The following IPO8 variants were observed in gnomAD, a reference collection of about 807,000 sequenced individuals.
IPO8 encodes the protein importin-8.
Under a neutral mutation model 141.2 loss-of-function variants are expected in IPO8, and 65 were observed. That is an observed-to-expected ratio of 0.46 (90% CI 0.38 to 0.57). The LOEUF (loss-of-function observed/expected upper bound fraction) is 0.57. Ranked by LOEUF, IPO8 falls within the 20% of genes least tolerant of loss-of-function variation. The pLI is 0.00. For missense variants in IPO8, 980 were observed against 1,246.8 expected (o/e 0.79, Z 3.22); for synonymous variants, 411 against 420.3 (o/e 0.98, Z 0.27).
chr12:30,646,777 TATACTC>T (rs752830781), intron 20 of IPO8, among the ~76,000 whole-genome samples: 3 of 152,154 alleles, frequency 2.0e-5, no homozygotes, highest in East Asian at 1.9e-4. Context: ...TTGAAAAACT[TATACTC>T]TGATAACAAC....
intron 24 of IPO8, 53 bp from the exon 25 acceptor site, chr12:30,631,010 G>A: frequency 7.2e-7 from 1 of 1,394,348 alleles, no homozygotes; most frequent in Non-Finnish European, 1.0e-6. Flanking sequence ...TGCTTAAGGT[G>A]ACAAAGTTGG....
At chr12:30,635,711 A>G (rs1228791599) in intron 22 of IPO8, among the ~76,000 whole-genome samples, 1 of 152,112 alleles carries the variant, frequency 6.6e-6, no homozygotes, top group African/African-American at 2.4e-5. Context: ...ACCATATTGA[A>G]GCAGGTAGAT....
intron 21 of IPO8, among the ~76,000 whole-genome samples, chr12:30,637,655 A>G (rs538079951): frequency 4.3e-4 from 66 of 152,312 alleles, no homozygotes; most frequent in African/African-American, 1.5e-3. Context: ...ATCTAGTAAG[A>G]TAGTAAGCTG....
chr12:30,632,543 C>G (rs2052447533), intron 23 of IPO8, among the ~76,000 whole-genome samples: 2 of 152,184 alleles, frequency 1.3e-5, no homozygotes, highest in African/African-American at 4.8e-5. Context: ...ATTAGTCTCC[C>G]AGTCCACTAC....
intron 8 of IPO8, among the ~76,000 whole-genome samples, chr12:30,673,103 T>C (rs946387661): frequency 5.9e-5 from 9 of 151,804 alleles, no homozygotes; most frequent in African/African-American, 2.2e-4. Flanking sequence ...CCCAAAAATA[T>C]AAAAAATTAG....
Position 30,663,590 on chromosome 12 carries a change from G to C in IPO8, c.1493C>G (p.Ala498Gly), listed in dbSNP as rs569581863. 1.5e-5 allele frequency: 25 copies of C among 1,613,078 alleles called. No homozygotes were observed. In the African/African-American group the frequency reaches 3.2e-4, roughly 21 times the overall value. ...CAGGCTCTTCTTCGCTAATTCAACG[G>C]CATTTCTTAGATTGAGCTCATTATG... ...KFHNELNLRN[A>G]VELAKKSLIE... The change falls in exon 14 of 25, where the codon GCC (alanine) becomes GGC (glycine). Residue 498 changes from alanine (A) to glycine (G), a missense_variant. Physicochemically the swap from Ala to Gly is moderately conservative, Grantham distance 60 (BLOSUM62 0). Transcript: ENST00000256079.
At chr12:30,684,835 T>A (rs11051025) in intron 2 of IPO8, among the ~76,000 whole-genome samples, 1,549 of 152,300 alleles carry the variant, frequency 0.01, 33 homozygotes, top group East Asian at 0.083. Context: ...TGTTTTTTGT[T>A]TTCCCACTGG....
At chr12:30,671,616 G>C in intron 8 of IPO8, among the ~76,000 whole-genome samples, 1 of 143,704 alleles carries the variant, frequency 7.0e-6, no homozygotes, top group Non-Finnish European at 1.5e-5. Context: ...GGAGCTTGCA[G>C]TGAGCCGAGA....
intron 23 of IPO8, 26 bp downstream of exon 23, chr12:30,634,057 G>A (rs923739034): frequency 6.4e-7 from 1 of 1,572,240 alleles, no homozygotes; most frequent in Non-Finnish European, 8.7e-7. Flanking sequence ...AAAAATATCA[G>A]AAGATGTGGG....
intron 19 of IPO8, among the ~76,000 whole-genome samples, chr12:30,651,643 C>T (rs1301889586): frequency 1.3e-5 from 2 of 151,794 alleles, no homozygotes; most frequent in Non-Finnish European, 2.9e-5. Flanking sequence ...GCCAAAGATC[C>T]CAAAAGATAA....
chr12:30,650,668 G>T (rs926140737), intron 19 of IPO8, among the ~76,000 whole-genome samples: 1 of 152,004 alleles, frequency 6.6e-6, no homozygotes, highest in African/African-American at 2.4e-5. Context: ...GATACAAAAA[G>T]AAAAATAATT....
chr12:30,678,078 T>C (rs938007375), intron 5 of IPO8, among the ~76,000 whole-genome samples: 3 of 150,434 alleles, frequency 2.0e-5, no homozygotes, highest in Non-Finnish European at 4.4e-5. Context: ...TGAGCCGAGA[T>C]TGTGCCACTG....
chr12:30,663,325 T>C (rs550076949), intron 14 of IPO8, among the ~76,000 whole-genome samples, 164 bp downstream of exon 14: 2 of 152,234 alleles, frequency 1.3e-5, no homozygotes, highest in African/African-American at 2.4e-5. Flanking sequence ...CTACAGTCAA[T>C]AGGAACACCT....
intron 14 of IPO8, among the ~76,000 whole-genome samples, chr12:30,662,961 C>T (rs1395766591): frequency 6.6e-6 from 1 of 152,154 alleles, no homozygotes; most frequent in African/African-American, 2.4e-5. Flanking sequence ...TGAATAGAGG[C>T]AAACTACGTT....
At chr12:30,686,835 A>T (rs2053247241) in intron 2 of IPO8, among the ~76,000 whole-genome samples, 2 of 152,126 alleles carry the variant, frequency 1.3e-5, no homozygotes, top group South Asian at 4.1e-4. Flanking sequence ...TTATAAATGA[A>T]AAGTTATAAT....
chr12:30,671,835 T>TA (rs1432529797), intron 8 of IPO8, among the ~76,000 whole-genome samples: 1 of 152,018 alleles, frequency 6.6e-6, no homozygotes, highest in African/African-American at 2.4e-5. Context: ...AGTATTGGCA[T>TA]AACTGATTAG....
At chr12:30,657,140 T>A (rs2052811190) in intron 16 of IPO8, among the ~76,000 whole-genome samples, 1 of 151,852 alleles carries the variant, frequency 6.6e-6, no homozygotes, top group Admixed American at 6.6e-5. Context: ...GACTAAAAAA[T>A]TAAAGAATTT....
chr12:30,671,335 C>T (rs113816019), intron 8 of IPO8, among the ~76,000 whole-genome samples: 4 of 152,080 alleles, frequency 2.6e-5, no homozygotes, highest in African/African-American at 7.2e-5. Flanking sequence ...ATTTCTATTC[C>T]ACTGCTAGCT....
chr12:30,668,802 C>A (rs191449367), intron 10 of IPO8, among the ~76,000 whole-genome samples: 50 of 152,306 alleles, frequency 3.3e-4, no homozygotes, highest in Non-Finnish European at 5.4e-4. Flanking sequence ...AGCAAGCAAA[C>A]CAAATTGGGG....
Sources: gnomAD v4.1 joint callset for allele counts (sites outside exome capture counted in the v4.1 genomes callset) on GRCh38, gnomAD v4.1.1 for gene constraint, MANE v1.5 for transcripts, NCBI Gene and HGNC (gene_info 2026-07-23, HGNC 2026-07-21) for gene names.